Variants in ST8SIA2 observed in about 807,000 individuals in gnomAD.
ST8SIA2 encodes alpha-2,8-sialyltransferase 8B.
Under a neutral mutation model 37.6 loss-of-function variants are expected in ST8SIA2, and 22 were observed. That is an observed-to-expected ratio of 0.58 (90% CI 0.42 to 0.83). ST8SIA2 has a LOEUF of 0.83. ST8SIA2 is among the 40% of genes least tolerant of loss of function. The pLI, the probability that ST8SIA2 is intolerant of heterozygous loss-of-function variation, is 0.00. For synonymous variants in ST8SIA2, 205 were observed against 201.2 expected, an observed-to-expected ratio of 1.02 and a Z score of -0.16; for missense variants, 382 against 484.7, an observed-to-expected ratio of 0.79 and a Z score of 1.99.
At chr15:92,430,901 A>G (rs780256531) in intron 2 of ST8SIA2, among the ~76,000 whole-genome samples, 46 of 152,230 alleles carry the variant, frequency 3.0e-4, no homozygotes, top group Non-Finnish European at 8.8e-5. Flanking sequence ...TAAGAGGTCC[A>G]TATGATGCAG....
At chr15:92,449,044 G>A (rs1038172923) in intron 5 of ST8SIA2, among the ~76,000 whole-genome samples, 1 of 151,910 alleles carries the variant, frequency 6.6e-6, no homozygotes, top group Non-Finnish European at 1.5e-5. Context: ...GATTCAGGGG[G>A]TACCTCTGCA....
At chr15:92,430,645 G>C (rs2141828287) in intron 2 of ST8SIA2, among the ~76,000 whole-genome samples, 1 of 152,296 alleles carries the variant, frequency 6.6e-6, no homozygotes, top group South Asian at 2.1e-4. Context: ...GTCATTGCCA[G>C]GGGACAGCTT....
chr15:92,434,376 G>A lies in ST8SIA2; in HGVS notation c.290+1G>A. 3 of 1,614,182 alleles carry A rather than the reference G, an allele frequency of 1.9e-6. No homozygotes were observed. The highest frequency in any genetic ancestry group is 1.3e-5 in the African/African-American group (1 of 75,044). On this transcript the variant is annotated splice_donor_variant, in intron 3 of 5. Coordinates refer to ENST00000268164, the MANE Select transcript of ST8SIA2 (RefSeq NM_006011.4). LOFTEE classifies it high-confidence loss of function. ...ACCAGACGCTCTCTCTGAGGATCAG[G>A]TACTGGTAATTACCTACAGGACAAG...
rs796674061 is a variant in ST8SIA2 at position 92,447,418 on chromosome 15, C to A, written c.842+2489C>A. On this transcript the variant is annotated intron_variant, in intron 5 of 5. Coordinates refer to ENST00000268164, the MANE Select transcript of ST8SIA2 (RefSeq NM_006011.4). ...GAGATGCCTGTTACAAATGTATATC[C>A]TACCACACTCCTGACCTCCCAGCTT... Among the ~76,000 whole-genome samples, 10 of 152,204 alleles carry A rather than the reference C, an allele frequency of 6.6e-5. 1 individual carries two copies. Among genetic ancestry groups the A allele is most frequent in the African/African-American group, 2.4e-4 (10 of 41,528 alleles).
intron 1 of ST8SIA2, chr15:92,422,463 A>G (rs768661648): frequency 6.6e-6 from 1 of 152,246 alleles, no homozygotes; most frequent in African/African-American, 2.4e-5. Flanking sequence ...CCCAGCCGGA[A>G]AGGAACTACC....
chr15:92,401,043 G>A (rs970332434), intron 1 of ST8SIA2, among the ~76,000 whole-genome samples: 1 of 152,168 alleles, frequency 6.6e-6, no homozygotes. Flanking sequence ...AAGACTTGGG[G>A]CAGCTGTGTG....
At chr15:92,411,246 G>A (rs1250374784) in intron 1 of ST8SIA2, among the ~76,000 whole-genome samples, 3 of 152,200 alleles carry the variant, frequency 2.0e-5, no homozygotes, top group Admixed American at 1.3e-4. Flanking sequence ...AAGAGGAGCC[G>A]CTGTGGACAG....
intron 5 of ST8SIA2, among the ~76,000 whole-genome samples, chr15:92,446,593 A>T (rs2049844518): frequency 6.6e-6 from 1 of 152,252 alleles, no homozygotes; most frequent in Admixed American, 6.5e-5. Flanking sequence ...AGTAGTGAAT[A>T]AAATAAAGAT....
Position 92,467,395 on chromosome 15 carries a change from G to A in ST8SIA2, c.*3010G>A. The A allele has an allele frequency of 6.5e-6, 1 of 153,700 alleles. No homozygotes were observed. The highest frequency in any genetic ancestry group is 1.5e-5 in the Non-Finnish European group (1 of 68,462). The allele number at this position is 153,700 out of a possible 1,614,324, so 9.5% of individuals were successfully genotyped here. On this transcript the variant is annotated 3_prime_UTR_variant, in exon 6 of 6. Coordinates refer to ENST00000268164, the MANE Select transcript of ST8SIA2 (RefSeq NM_006011.4). The stretch of plus-strand genomic sequence containing the variant: ...GGAAGGGCCTCCAGCACCCACAACT[G>A]CCCTTCCTCTTGATGCCCCTCGGCT...
chr15:92,401,485 G>A (rs940820435), intron 1 of ST8SIA2, among the ~76,000 whole-genome samples: 11 of 152,136 alleles, frequency 7.2e-5, no homozygotes, highest in African/African-American at 1.7e-4. Context: ...CTGACTTCGC[G>A]ACGATGGCAA....
intron 1 of ST8SIA2, among the ~76,000 whole-genome samples, chr15:92,406,495 C>T (rs996737529): frequency 6.6e-6 from 1 of 152,178 alleles, no homozygotes; most frequent in Admixed American, 6.5e-5. Context: ...CTAGACCTGC[C>T]GAATCTGAAT....
At chr15:92,400,625 G>A (rs2049463201) in intron 1 of ST8SIA2, among the ~76,000 whole-genome samples, 1 of 152,178 alleles carries the variant, frequency 6.6e-6, no homozygotes, top group Non-Finnish European at 1.5e-5. Flanking sequence ...GGACCCAGTG[G>A]TGTTTGCCCC....
chr15:92,402,455 G>A lies in ST8SIA2; in HGVS notation c.98+8293G>A, dbSNP rs193119840. 4.2e-3 allele frequency among the ~76,000 whole-genome samples: 641 copies of A among 152,260 alleles called. 3 individuals are homozygous for A. The highest frequency in any genetic ancestry group is 0.021 in the South Asian group (102 of 4,820). On this transcript the variant is annotated intron_variant, in intron 1 of 5. Coordinates refer to ENST00000268164, the MANE Select transcript of ST8SIA2 (RefSeq NM_006011.4). ...CACAGCTAGTAAGGTGCAGAGCTGG[G>A]ATTCAAACCCAGGCTCCCAGGAACA...
At chr15:92,463,238 CTT>C (rs2141854225) in intron 5 of ST8SIA2, among the ~76,000 whole-genome samples, 1 of 152,370 alleles carries the variant, frequency 6.6e-6, no homozygotes, top group Non-Finnish European at 1.5e-5. Flanking sequence ...CTTCACTTCT[CTT>C]TGTTTCCTCT....
At chr15:92,440,618 T>A (rs1389070455) in intron 4 of ST8SIA2, among the ~76,000 whole-genome samples, 1 of 152,204 alleles carries the variant, frequency 6.6e-6, no homozygotes, top group African/African-American at 2.4e-5. Context: ...GGGGTGGACC[T>A]GTGGGGTGTT....
In ST8SIA2 at chr15:92,467,954, G is replaced by C; in HGVS notation, c.*3569G>C. ...AACTCAACAAGTCAGAAGCCAAGTG[G>C]ATCATCTGTGTCCCCTTCCCCCACA... On this transcript the variant is annotated 3_prime_UTR_variant, in exon 6 of 6. Transcript: ENST00000268164. 6.6e-6 allele frequency: 1 copy of C among 152,420 alleles called. No homozygotes were observed. Among genetic ancestry groups the C allele is most frequent in the Non-Finnish European group, 1.5e-5 (1 of 68,068 alleles). The allele number at this position is 152,420 out of a possible 1,614,324, so 9.4% of individuals were successfully genotyped here.
In ST8SIA2 at chr15:92,438,540, G is replaced by A. The variant is rs181334978; in HGVS notation, c.478G>A (p.Val160Met). The change falls in exon 4 of 6, where the codon GTG becomes ATG. Residue 160 changes from valine to methionine, a missense_variant. Physicochemically the swap from Val to Met is conservative, Grantham distance 21 (BLOSUM62 1). Coordinates refer to ENST00000268164, the MANE Select transcript of ST8SIA2 (RefSeq NM_006011.4). ...KNKHFGTCAIVGNSGVLLNSG... is the reference protein window; with the variant it reads ...KNKHFGTCAIMGNSGVLLNSG... The stretch of plus-strand genomic sequence containing the variant: ...TAAGCACTTTGGGACTTGTGCCATC[G>A]TGGGCAACTCGGGGGTCTTGCTGAA... The A allele has an allele frequency of 4.3e-6, 7 of 1,613,994 alleles. No homozygotes were observed. Among genetic ancestry groups the A allele is most frequent in the South Asian group, 1.1e-5 (1 of 91,066 alleles).
chr15:92,458,842 G>A (rs2049937536), intron 5 of ST8SIA2, among the ~76,000 whole-genome samples: 1 of 152,220 alleles, frequency 6.6e-6, no homozygotes, highest in Non-Finnish European at 1.5e-5. Flanking sequence ...AGCCTGGGCT[G>A]CTAAGCACAA....
At chr15:92,436,331 G>A (rs79332614) in intron 3 of ST8SIA2, among the ~76,000 whole-genome samples, 5,819 of 152,112 alleles carry the variant, frequency 0.038, 225 homozygotes, top group African/African-American at 0.093. Flanking sequence ...CCATTGGATA[G>A]AGAAATAGCT....
Sources: allele counts gnomAD v4.1 joint callset (sites outside exome capture counted in the v4.1 genomes callset), GRCh38; gene constraint gnomAD v4.1.1; transcripts MANE v1.5; gene names NCBI Gene and HGNC (gene_info 2026-07-23, HGNC 2026-07-21).